The following NXPH2 variants were observed in gnomAD, a reference collection of about 807,000 sequenced individuals.
NXPH2 encodes the protein neurexophilin 2, also known as neurexophilin-2.
Under a neutral mutation model 19.8 loss-of-function variants are expected in NXPH2, and 5 were observed. That is an observed-to-expected ratio of 0.25 (90% CI 0.13 to 0.53). The LOEUF (loss-of-function observed/expected upper bound fraction) is 0.53. Among genes scored for constraint, NXPH2 ranks in the 20% least tolerant of loss-of-function variants. The pLI is 0.96. For synonymous variants in NXPH2, 154 were observed against 127.4 expected, an observed-to-expected ratio of 1.21 and a Z score of -1.41; for missense variants, 289 against 322.8, an observed-to-expected ratio of 0.90 and a Z score of 0.80.
At chr2:138,748,853 A>C (rs1180667083) in intron 1 of NXPH2, among the ~76,000 whole-genome samples, 1 of 152,156 alleles carries the variant, frequency 6.6e-6, no homozygotes, top group Non-Finnish European at 1.5e-5. Flanking sequence ...AAATAAAATT[A>C]TGCATTGTGA....
At chr2:138,716,885 A>C (rs1253998879) in intron 1 of NXPH2, among the ~76,000 whole-genome samples, 1 of 152,208 alleles carries the variant, frequency 6.6e-6, no homozygotes, top group Non-Finnish European at 1.5e-5. Context: ...ATTGAAGGGC[A>C]ATTGGTTGGT....
chr2:138,726,119 T>C (rs575184398), intron 1 of NXPH2, among the ~76,000 whole-genome samples: 12 of 152,302 alleles, frequency 7.9e-5, no homozygotes, highest in African/African-American at 2.6e-4. Flanking sequence ...CTTAGCTCAC[T>C]GCAACCTCCA....
intron 1 of NXPH2, among the ~76,000 whole-genome samples, chr2:138,772,581 GCCACCGCGCCCGGC>G (rs1682196765): frequency 6.6e-6 from 1 of 152,284 alleles, no homozygotes; most frequent in East Asian, 1.9e-4. Context: ...ACAGGGGTGA[GCCACCGCGCCCGGC>G]CCATGAGGTT....
chr2:138,751,432 GA>G (rs1164697788), intron 1 of NXPH2, among the ~76,000 whole-genome samples: 1 of 152,090 alleles, frequency 6.6e-6, no homozygotes, highest in African/African-American at 2.4e-5. Flanking sequence ...TATGTGCTTT[GA>G]ATTGCCTTTT....
intron 1 of NXPH2, among the ~76,000 whole-genome samples, chr2:138,775,615 T>C (rs1245297154): frequency 2.6e-5 from 4 of 152,116 alleles, no homozygotes; most frequent in African/African-American, 9.7e-5. Flanking sequence ...GAAAAGGTTA[T>C]CTAAAATCAT....
At chr2:138,706,176 A>G (rs1391365658) in intron 1 of NXPH2, among the ~76,000 whole-genome samples, 3 of 152,152 alleles carry the variant, frequency 2.0e-5, no homozygotes, top group Admixed American at 6.6e-5. Context: ...TTTACTAAGA[A>G]TTTTCTCTGT....
intron 1 of NXPH2, among the ~76,000 whole-genome samples, chr2:138,730,434 T>C (rs1438679959): frequency 6.6e-6 from 1 of 152,134 alleles, no homozygotes; most frequent in African/African-American, 2.4e-5. Flanking sequence ...GACTTCAACA[T>C]ATGAATTTTG....
At chr2:138,777,535 A>G (rs1261896476) in intron 1 of NXPH2, among the ~76,000 whole-genome samples, 2 of 151,988 alleles carry the variant, frequency 1.3e-5, no homozygotes, top group Admixed American at 6.6e-5. Flanking sequence ...TAAATATCAC[A>G]TAAACAGGTA....
At chr2:138,735,292 A>G (rs1348430174) in intron 1 of NXPH2, among the ~76,000 whole-genome samples, 1 of 152,178 alleles carries the variant, frequency 6.6e-6, no homozygotes, top group East Asian at 1.9e-4. Context: ...AGACATACCT[A>G]AGACTGGGAA....
intron 1 of NXPH2, among the ~76,000 whole-genome samples, chr2:138,770,899 C>T (rs907834332): frequency 3.9e-5 from 6 of 151,960 alleles, no homozygotes; most frequent in Admixed American, 1.3e-4. Flanking sequence ...TGAAAACATG[C>T]TTTATATACC....
At chr2:138,729,558 C>T (rs1186527464) in intron 1 of NXPH2, among the ~76,000 whole-genome samples, 2 of 152,184 alleles carry the variant, frequency 1.3e-5, no homozygotes, top group Admixed American at 6.5e-5. Flanking sequence ...ATGTTGCTTT[C>T]CTATTTAGCC....
intron 1 of NXPH2, among the ~76,000 whole-genome samples, chr2:138,681,483 C>T (rs1052687147): frequency 1.3e-5 from 2 of 152,148 alleles, no homozygotes; most frequent in African/African-American, 2.4e-5. Context: ...ATATATAATA[C>T]ACAATGCATA....
At chr2:138,707,094 C>CA (rs70982073) in intron 1 of NXPH2, among the ~76,000 whole-genome samples, 2,134 of 34,848 alleles carry the variant, frequency 0.061, 176 homozygotes, top group Non-Finnish European at 0.091. Flanking sequence ...TGCCCCATGA[C>CA]AAAAAAAAAA....
At chr2:138,683,667 A>C (rs1680609590) in intron 1 of NXPH2, among the ~76,000 whole-genome samples, 1 of 152,224 alleles carries the variant, frequency 6.6e-6, no homozygotes, top group Admixed American at 6.5e-5. Context: ...TACAGTATCC[A>C]GTTAACCAAA....
intron 1 of NXPH2, among the ~76,000 whole-genome samples, chr2:138,721,477 T>C (rs1350339138): frequency 6.6e-6 from 1 of 152,118 alleles, no homozygotes; most frequent in East Asian, 1.9e-4. Flanking sequence ...TGTTTTTTTT[T>C]AATGGAGCAA....
chr2:138,758,131 C>T (rs902581134), intron 1 of NXPH2, among the ~76,000 whole-genome samples: 4 of 151,974 alleles, frequency 2.6e-5, no homozygotes, highest in Non-Finnish European at 5.9e-5. Flanking sequence ...TCATAAAAGG[C>T]CAAAACCCTT....
At position 138,688,586 on chromosome 2, in the gene NXPH2, A is replaced by C. The variant is rs145144474; in HGVS notation, c.52-16921T>G. ...CTCCACTAAAGTACACTTTTGTAGA[A>C]TTCCATTATATACAAAAGATACCAG... is the stretch of plus-strand genomic sequence containing the variant. On this transcript the variant is annotated intron_variant, in intron 1 of 1. Transcript: ENST00000272641. 2.4e-3 allele frequency among the ~76,000 whole-genome samples: 359 copies of C among 152,338 alleles called. 5 individuals carry two copies. The highest frequency in any genetic ancestry group is 8.2e-3 in the African/African-American group (339 of 41,578).
chr2:138,754,730 A>T (rs1681880365), intron 1 of NXPH2, among the ~76,000 whole-genome samples: 1 of 152,172 alleles, frequency 6.6e-6, no homozygotes, highest in African/African-American at 2.4e-5. Context: ...TGGGTCATAT[A>T]ATAAAAATAC....
At chr2:138,761,166 CTTCACTTGA>C (rs1682009062) in intron 1 of NXPH2, among the ~76,000 whole-genome samples, 1 of 152,152 alleles carries the variant, frequency 6.6e-6, no homozygotes, top group South Asian at 2.1e-4. Context: ...CCACCCTCAT[CTTCACTTGA>C]GCATATCCAG....
Sources: allele counts gnomAD v4.1 joint callset (sites outside exome capture counted in the v4.1 genomes callset), GRCh38; gene constraint gnomAD v4.1.1; transcripts MANE v1.5; gene names NCBI Gene and HGNC (gene_info 2026-07-23, HGNC 2026-07-21).